Variants in ACTN4 observed in about 807,000 individuals in gnomAD.
ACTN4 encodes alpha-actinin-4.
In ACTN4, 18 loss-of-function variants were observed where a neutral mutation model predicts 114.2. The ratio of observed to expected loss-of-function variants is 0.16; its 90% CI spans 0.11 to 0.23. The LOEUF is 0.23. ACTN4 is among the 10% of genes least tolerant of loss of function. The pLI, the probability that ACTN4 is intolerant of heterozygous loss-of-function variation, is 1.00. For synonymous variants in ACTN4, 515 were observed against 506.3 expected (o/e 1.02, Z -0.23); for missense variants, 722 against 1,262.9 (o/e 0.57, Z 6.49).
intron 1 of ACTN4, among the ~76,000 whole-genome samples, chr19:38,652,931 C>G (rs1317232575): frequency 6.6e-6 from 1 of 151,886 alleles, no homozygotes; most frequent in Non-Finnish European, 1.5e-5. Context: ...ACCAATAATA[C>G]AAAAATTAAC....
chr19:38,673,727 T>A (rs1191653753), intron 1 of ACTN4, among the ~76,000 whole-genome samples: 2 of 101,444 alleles, frequency 2.0e-5, no homozygotes, highest in African/African-American at 7.5e-5. Flanking sequence ...TTATATATAC[T>A]TATATATATT....
At chr19:38,720,833 G>A (rs1297026786) in intron 11 of ACTN4, among the ~76,000 whole-genome samples, 1 of 152,256 alleles carries the variant, frequency 6.6e-6, no homozygotes, top group Non-Finnish European at 1.5e-5. Context: ...GCCTGAGGCA[G>A]GGCCCCTGTA....
At chr19:38,723,476 C>T in intron 12 of ACTN4, 138 bp from the exon 13 acceptor site, 1 of 727,554 alleles carries the variant, frequency 1.4e-6, no homozygotes, top group Non-Finnish European at 2.5e-6. Context: ...TTTGATTGAC[C>T]AATTAGTGAT....
chr19:38,729,671 T>C lies in ACTN4; in HGVS notation c.*239T>C, dbSNP rs770025188. 1.8e-4 allele frequency: 125 copies of C among 698,026 alleles called. No individual in the cohort carries two copies. The highest frequency in any genetic ancestry group is 2.9e-4 in the Non-Finnish European group (111 of 386,506). The allele number at this position is 698,026 out of a possible 1,614,324, so 43.2% of individuals were successfully genotyped here. On this transcript the variant is annotated 3_prime_UTR_variant, in exon 21 of 21. Coordinates refer to ENST00000252699, the MANE Select transcript of ACTN4 (RefSeq NM_004924.6). ...GCCAGCGCTTCTGGTCTGGTAAATA[T>C]GTATGATGTGTTGTGCTTTTTTAAC...
At chr19:38,676,956 C>A (rs1014253832) in intron 1 of ACTN4, among the ~76,000 whole-genome samples, 5 of 152,218 alleles carry the variant, frequency 3.3e-5, no homozygotes, top group Non-Finnish European at 7.4e-5. Flanking sequence ...ATCAAACCTG[C>A]AAGTCCCCAA....
chr19:38,722,268 C>G (rs899118987), intron 12 of ACTN4, among the ~76,000 whole-genome samples: 1 of 152,146 alleles, frequency 6.6e-6, no homozygotes, highest in African/African-American at 2.4e-5. Context: ...AGCAGCAGGG[C>G]GGGCCCAGGC....
Position 38,724,427 on chromosome 19 carries a change from C to T in ACTN4, c.1876-4C>T. The T allele has an allele frequency of 6.2e-7, 1 of 1,613,172 alleles. No individual in the cohort carries two copies. Among genetic ancestry groups the T allele is most frequent in the Non-Finnish European group, 8.5e-7 (1 of 1,179,854 alleles). On this transcript the variant is annotated splice_polypyrimidine_tract_variant and splice_region_variant and intron_variant, in intron 15 of 20. Coordinates refer to ENST00000252699, the MANE Select transcript of ACTN4 (RefSeq NM_004924.6). The surrounding 1 kb of genome is among the most constrained non-coding windows in gnomAD (Gnocchi z 7.0). ...CCGCTCCCACACCGCGTCTCCTCTG[C>T]CAGGTGCAGCAGCTGGTGCCAAAAC...
chr19:38,674,650 G>A (rs1373298565), intron 1 of ACTN4, among the ~76,000 whole-genome samples: 1 of 152,142 alleles, frequency 6.6e-6, no homozygotes, highest in Non-Finnish European at 1.5e-5. Context: ...GAGGTGACGT[G>A]ACTTGCCCCA....
intron 1 of ACTN4, among the ~76,000 whole-genome samples, chr19:38,693,162 G>T (rs987990175): frequency 1.7e-4 from 26 of 152,132 alleles, no homozygotes; most frequent in Admixed American, 1.4e-3. Context: ...ATCTTGTCAA[G>T]CGTGGGGTCC....
intron 1 of ACTN4, chr19:38,683,853 C>T (rs558899519): frequency 5.3e-5 from 8 of 152,342 alleles, no homozygotes; most frequent in South Asian, 2.1e-4. Context: ...CTGACTTGCC[C>T]GCCCTCCCCC....
intron 1 of ACTN4, among the ~76,000 whole-genome samples, chr19:38,654,805 T>C (rs1343315593): frequency 6.6e-6 from 1 of 152,158 alleles, no homozygotes; most frequent in Admixed American, 6.5e-5. Flanking sequence ...TGGAAAGTCT[T>C]AGAAGCTGAT....
intron 1 of ACTN4, among the ~76,000 whole-genome samples, chr19:38,696,001 G>A (rs530341798): frequency 1.6e-4 from 25 of 152,108 alleles, no homozygotes; most frequent in African/African-American, 5.3e-4. Context: ...CAGGCCCTCC[G>A]TTTCCTCATC....
At chr19:38,711,058 C>T (rs1449602205) in intron 8 of ACTN4, 1 of 157,090 alleles carries the variant, frequency 6.4e-6, no homozygotes, top group African/African-American at 2.4e-5. Context: ...ATAGGGCCCA[C>T]AGCTAGTCTG....
rs1568689660 is a variant in ACTN4 at position 38,673,526 on chromosome 19, T to TGAATA, written c.162+25619_162+25620insGAATA. Reference sequence around the variant, plus strand: ...ATATATGAATATATATTTATATATATTCATATATACTTATATATATTTATA... The same window carrying TGAATA: ...ATATATGAATATATATTTATATATATGAATATCATATATACTTATATATATTTATA... On this transcript the variant is annotated intron_variant, in intron 1 of 20. Transcript: ENST00000252699. Among the ~76,000 whole-genome samples, 54 of 118,990 alleles carry TGAATA rather than the reference T, an allele frequency of 4.5e-4. 1 individual carries two copies. The highest frequency in any genetic ancestry group is 1.1e-3 in the East Asian group (5 of 4,516). 78.1% of individuals were successfully genotyped at this position (118,990 alleles called of 152,430 possible).
At chr19:38,673,547 T>G (rs779754619) in intron 1 of ACTN4, among the ~76,000 whole-genome samples, 70 of 88,148 alleles carry the variant, frequency 7.9e-4, no homozygotes, top group Middle Eastern at 4.6e-3. Context: ...TTATATATAT[T>G]TATATATACT....
At chr19:38,722,325 G>A (rs986100391) in intron 12 of ACTN4, among the ~76,000 whole-genome samples, 3 of 152,144 alleles carry the variant, frequency 2.0e-5, no homozygotes, top group South Asian at 2.1e-4. Context: ...ACAGGCCCTC[G>A]AGGGGCAGCA....
chr19:38,698,418 G>A (rs1599816463), intron 1 of ACTN4, among the ~76,000 whole-genome samples: 1 of 152,182 alleles, frequency 6.6e-6, no homozygotes. Context: ...AGTACTCTCC[G>A]CAGTGAGAAC....
chr19:38,718,083 C>T lies in ACTN4; in HGVS notation c.1291+9C>T. ...CGAGGCCTGGACTGACGGTACGGCC[C>T]AGCTCTGCCCCACTCTGCCCAGCCC... On this transcript the variant is annotated intron_variant, in intron 11 of 20. Transcript: ENST00000252699. 1.2e-6 allele frequency: 2 copies of T among 1,602,742 alleles called. No homozygotes were observed. The highest frequency in any genetic ancestry group is 1.7e-4 in the Middle Eastern group (1 of 6,046).
rs1968254300 is a variant in ACTN4 at position 38,700,982 on chromosome 19, T to C, written c.278-20T>C. On this transcript the variant is annotated intron_variant, in intron 2 of 20. Transcript: ENST00000252699. ...TCTCTCTCTGTCTCGCCCCCTCTTT[T>C]CTCTTTGTGCACTTCTCAGGGGAGC... is the stretch of plus-strand genomic sequence containing the variant. 7 of 1,612,588 alleles carry C rather than the reference T, an allele frequency of 4.3e-6. No individual in the cohort carries two copies. Among genetic ancestry groups the C allele is most frequent in the Non-Finnish European group, 5.9e-6 (7 of 1,179,234 alleles).
Sources: allele counts gnomAD v4.1 joint callset (sites outside exome capture counted in the v4.1 genomes callset), GRCh38; gene constraint gnomAD v4.1.1; non-coding constraint Gnocchi (gnomAD v3.1); transcripts MANE v1.5; gene names NCBI Gene and HGNC (gene_info 2026-07-23, HGNC 2026-07-21).